Variants in NCKAP5 observed in about 807,000 individuals in gnomAD.
NCKAP5 encodes NCK associated protein 5.
Under a neutral mutation model 167.0 loss-of-function variants are expected in NCKAP5, and 92 were observed. The observed-to-expected ratio is 0.55, with a 90% confidence interval of 0.47 to 0.66. The LOEUF (loss-of-function observed/expected upper bound fraction) is 0.66. NCKAP5 is among the 30% of genes least tolerant of loss of function. The pLI is 0.00. For synonymous variants in NCKAP5, 891 were observed against 877.4 expected (o/e 1.02, Z -0.27); for missense variants, 2,378 against 2,315.0 (o/e 1.03, Z -0.56).
rs560822456 is a variant in NCKAP5, at chr2:133,062,638, T to C, written c.341+67340A>G. Reference sequence around the variant, plus strand: ...CTCTTTGCAGAGGTACTCAGGTGTGTGATCTGGTAGATGGCCTGCTATAAG... The same window carrying C: ...CTCTTTGCAGAGGTACTCAGGTGTGCGATCTGGTAGATGGCCTGCTATAAG... On this transcript the variant is annotated intron_variant, in intron 6 of 19. Coordinates refer to ENST00000409261, the MANE Select transcript of NCKAP5 (RefSeq NM_207363.3). Among the ~76,000 whole-genome samples the C allele has an allele frequency of 2.7e-4, 41 of 152,342 alleles. No individual in the cohort carries two copies. The Middle Eastern group carries it at 0.014, about 51-fold the overall frequency.
the NCKAP5 span, among the ~76,000 whole-genome samples, chr2:133,607,086 T>C: frequency 1.3e-5 from 2 of 152,214 alleles, no homozygotes. Context: ...TATACCAAAA[T>C]CTACAATCTT....
chr2:133,399,916 C>A (rs368464904), intron 3 of NCKAP5, among the ~76,000 whole-genome samples: 2 of 152,178 alleles, frequency 1.3e-5, no homozygotes, highest in South Asian at 2.1e-4. Flanking sequence ...TTGATATTGA[C>A]CACATTTTTG....
rs1373579645 is a variant in NCKAP5, at chr2:132,780,985, G to A, written c.5049+67C>T. The A allele has an allele frequency of 8.1e-6, 12 of 1,483,652 alleles. No individual in the cohort carries two copies. The East Asian group carries it at 9.3e-5, about 12-fold the overall frequency. The allele number at this position is 1,483,652 out of a possible 1,614,324, so 91.9% of individuals were successfully genotyped here. A position where few individuals can be genotyped will look rare whatever the true frequency, so the allele number is the denominator to read the frequency against. ...TACCCATACATTTTCATTAGCAAAC[G>A]GTAGAAAGACCCCAGCCAGAACATC... On this transcript the variant is annotated intron_variant, in intron 15 of 19. Coordinates refer to ENST00000409261, the MANE Select transcript of NCKAP5 (RefSeq NM_207363.3).
intron 7 of NCKAP5, among the ~76,000 whole-genome samples, chr2:132,987,317 A>G (rs2077317397): frequency 2.6e-5 from 4 of 152,166 alleles, no homozygotes; most frequent in Admixed American, 2.6e-4. Context: ...GTGGAATAAT[A>G]TCTCTGCCAG....
At chr2:133,636,843 AG>A in the NCKAP5 span, among the ~76,000 whole-genome samples, 1 of 152,134 alleles carries the variant, frequency 6.6e-6, no homozygotes, top group African/African-American at 2.4e-5. Flanking sequence ...TAAAAACCCA[AG>A]GCCTTTGAAA....
chr2:133,059,419 G>A (rs559089459), intron 6 of NCKAP5, among the ~76,000 whole-genome samples: 1 of 152,228 alleles, frequency 6.6e-6, no homozygotes, highest in African/African-American at 2.4e-5. Flanking sequence ...GCTCATTCCT[G>A]TGATCCCAGC....
intron 8 of NCKAP5, among the ~76,000 whole-genome samples, chr2:132,938,759 A>G (rs1187472043): frequency 1.3e-5 from 2 of 152,308 alleles, no homozygotes; most frequent in East Asian, 1.9e-4. Context: ...AGAGAATGTT[A>G]GAGAAAGAAG....
intron 8 of NCKAP5, among the ~76,000 whole-genome samples, chr2:132,885,611 C>A (rs1692152136): frequency 6.6e-6 from 1 of 152,164 alleles, no homozygotes; most frequent in African/African-American, 2.4e-5. Flanking sequence ...CAAAGAGCAT[C>A]ACAGAGCAAA....
chr2:133,441,822 C>T (rs909648347), intron 3 of NCKAP5, among the ~76,000 whole-genome samples: 23 of 152,188 alleles, frequency 1.5e-4, no homozygotes, highest in African/African-American at 4.1e-4. Context: ...ATTTCCTAAG[C>T]GAACTCTCAG....
At chr2:133,346,917 G>A (rs1415779135) in intron 3 of NCKAP5, among the ~76,000 whole-genome samples, 1 of 152,204 alleles carries the variant, frequency 6.6e-6, no homozygotes, top group African/African-American at 2.4e-5. Context: ...TGTGAGCTCT[G>A]ACAAGTACAA....
At chr2:132,812,273 T>C (rs1005233893) in intron 11 of NCKAP5, among the ~76,000 whole-genome samples, 4 of 152,252 alleles carry the variant, frequency 2.6e-5, no homozygotes, top group African/African-American at 7.2e-5. Flanking sequence ...AATCTAGTCC[T>C]GCCTCCGGTC....
intron 4 of NCKAP5, among the ~76,000 whole-genome samples, chr2:133,266,619 C>A (rs1484522496): frequency 6.6e-6 from 1 of 152,190 alleles, no homozygotes; most frequent in Non-Finnish European, 1.5e-5. Flanking sequence ...AAGGCGCGCG[C>A]TGCAGAGCCG....
chr2:133,099,349 C>T (rs1364719372), intron 6 of NCKAP5, among the ~76,000 whole-genome samples: 2 of 152,058 alleles, frequency 1.3e-5, no homozygotes, highest in Non-Finnish European at 2.9e-5. Context: ...AGGGTAGTTT[C>T]CCAGGTCAAA....
At chr2:132,714,812 CA>C (rs11329925) in intron 19 of NCKAP5, 157,733 of 368,666 alleles carry the variant, frequency 0.43, 13,714 homozygotes, top group East Asian at 0.49. Flanking sequence ...GAATCCATCT[CA>C]AAAAAAAAAA....
chr2:132,680,742 G>A (rs111965135), intron 19 of NCKAP5, among the ~76,000 whole-genome samples: 1 of 152,266 alleles, frequency 6.6e-6, no homozygotes, highest in South Asian at 2.1e-4. Flanking sequence ...GGAAGATAAA[G>A]TAGCAGGAAG....
the NCKAP5 span, among the ~76,000 whole-genome samples, chr2:133,626,081 T>C: frequency 6.6e-6 from 1 of 152,156 alleles, no homozygotes; most frequent in Non-Finnish European, 1.5e-5. Flanking sequence ...AGGTAGCCAG[T>C]GAATGAGAGA....
chr2:133,237,357 C>T (rs938598553), intron 4 of NCKAP5, among the ~76,000 whole-genome samples: 6 of 151,960 alleles, frequency 3.9e-5, no homozygotes, highest in South Asian at 2.1e-4. Context: ...TTTCTTTGTT[C>T]TATGAAAATA....
At chr2:133,329,459 A>G (rs897699500) in intron 3 of NCKAP5, among the ~76,000 whole-genome samples, 3 of 152,188 alleles carry the variant, frequency 2.0e-5, no homozygotes, top group Non-Finnish European at 4.4e-5. Context: ...TACCAAGGAC[A>G]CCACTGGTCT....
chr2:132,954,779 T>C (rs1200888195), intron 8 of NCKAP5: 5 of 427,576 alleles, frequency 1.2e-5, no homozygotes, highest in Non-Finnish European at 2.3e-5. Context: ...ATTACAATTA[T>C]TTTCTTATGA....
Sources: allele counts gnomAD v4.1 joint callset (sites outside exome capture counted in the v4.1 genomes callset), GRCh38; gene constraint gnomAD v4.1.1; transcripts MANE v1.5; gene names NCBI Gene and HGNC (gene_info 2026-07-23, HGNC 2026-07-21).